The following CATSPERB variants were observed in gnomAD, a reference collection of about 807,000 sequenced individuals.
CATSPERB encodes the protein catsper channel auxiliary subunit beta.
A neutral mutation model predicts 128.3 loss-of-function variants in CATSPERB; 93 were observed. That is an observed-to-expected ratio of 0.72 (90% CI 0.61 to 0.86). The LOEUF (loss-of-function observed/expected upper bound fraction) is 0.86. Ranked by LOEUF, CATSPERB falls within the 40% of genes least tolerant of loss-of-function variation. The pLI is 0.00. For synonymous variants in CATSPERB, 381 were observed against 448.8 expected, an observed-to-expected ratio of 0.85 and a Z score of 1.91; for missense variants, 1,153 against 1,329.5, an observed-to-expected ratio of 0.87 and a Z score of 2.06.
intron 24 of CATSPERB, 42 bp downstream of exon 24, chr14:91,589,492 T>G: frequency 6.3e-7 from 1 of 1,582,402 alleles, no homozygotes; most frequent in Non-Finnish European, 8.6e-7. Flanking sequence ...GTAACAATAT[T>G]ACTTATCAGA....
chr14:91,605,311 C>T, intron 22 of CATSPERB: 1 of 816,380 alleles, frequency 1.2e-6, no homozygotes, highest in Non-Finnish European at 2.1e-6. Flanking sequence ...AAGCTGGAGC[C>T]ACACTCATGT....
intron 7 of CATSPERB, 76 bp from the exon 8 acceptor site, chr14:91,693,555 G>A (rs571233492): frequency 3.0e-6 from 3 of 1,007,694 alleles, no homozygotes; most frequent in South Asian, 2.7e-5. Context: ...AGAGCCCAGA[G>A]TCCGTTCCAA....
chr14:91,615,555 T>C lies in CATSPERB; in HGVS notation c.2400+2042A>G, dbSNP rs1214938564. ...ACCGAGGATGTGTGGTATTTATCTTTCTGTGTGCCTGGCTTATTTCACTTA... is the reference window on the plus strand; with the variant it reads ...ACCGAGGATGTGTGGTATTTATCTTCCTGTGTGCCTGGCTTATTTCACTTA... On this transcript the variant is annotated intron_variant, in intron 20 of 26. Transcript: ENST00000256343. Among the ~76,000 whole-genome samples the C allele has an allele frequency of 3.9e-5, 6 of 152,248 alleles. No homozygotes were observed. The East Asian group carries it at 9.6e-4, about 24-fold the overall frequency.
chr14:91,699,995 G>A (rs1005516365), intron 7 of CATSPERB, among the ~76,000 whole-genome samples: 1 of 150,896 alleles, frequency 6.6e-6, no homozygotes, highest in Non-Finnish European at 1.5e-5. Context: ...CAGGTTTTTT[G>A]CATAGGTGTA....
chr14:91,634,129 G>T (rs1894326107), intron 17 of CATSPERB, among the ~76,000 whole-genome samples: 1 of 152,078 alleles, frequency 6.6e-6, no homozygotes, highest in Non-Finnish European at 1.5e-5. Context: ...AACATAAACA[G>T]TTGATTAACA....
chr14:91,718,709 C>T (rs574425399), intron 5 of CATSPERB, among the ~76,000 whole-genome samples: 2 of 152,272 alleles, frequency 1.3e-5, no homozygotes, highest in South Asian at 4.1e-4. Context: ...TGAAAGTATT[C>T]CCTCAGTTCT....
At chr14:91,687,242 G>C (rs888081069) in intron 10 of CATSPERB, among the ~76,000 whole-genome samples, 12 of 152,104 alleles carry the variant, frequency 7.9e-5, no homozygotes, top group Non-Finnish European at 1.3e-4. Flanking sequence ...CTATGTGAAT[G>C]TATTACCTAT....
At chr14:91,594,383 C>T (rs997009205) in intron 22 of CATSPERB, among the ~76,000 whole-genome samples, 37 of 151,466 alleles carry the variant, frequency 2.4e-4, no homozygotes, top group South Asian at 4.2e-4. Flanking sequence ...TGCTAAATGA[C>T]GAGTTAATGG....
chr14:91,655,441 T>C (rs990350571), intron 15 of CATSPERB, among the ~76,000 whole-genome samples: 5 of 152,060 alleles, frequency 3.3e-5, no homozygotes, highest in African/African-American at 9.7e-5. Flanking sequence ...TTCAAGATAA[T>C]ATAGAGAAGG....
rs762980420 is a variant in CATSPERB, at chr14:91,589,676, T to C, written c.2821-7A>G. 17 of 1,609,630 alleles carry C rather than the reference T, an allele frequency of 1.1e-5. No individual in the cohort carries two copies. Among genetic ancestry groups the C allele is most frequent in the Non-Finnish European group, 1.4e-5 (17 of 1,177,828 alleles). ...GAAACTTAAAGCGAGGAACCTAAAA[T>C]ACAAATTCCAAGAATGAATGTAAAC... On this transcript the variant is annotated splice_region_variant and splice_polypyrimidine_tract_variant and intron_variant, in intron 23 of 26. Coordinates refer to ENST00000256343, the MANE Select transcript of CATSPERB (RefSeq NM_024764.4).
At chr14:91,603,034 G>A (rs1893633638) in intron 22 of CATSPERB, 2 of 779,180 alleles carry the variant, frequency 2.6e-6, no homozygotes, top group African/African-American at 1.7e-5. Context: ...TGAGTGATGT[G>A]CCTTTGCCTG....
chr14:91,587,230 G>T lies in CATSPERB; in HGVS notation c.3104C>A (p.Thr1035Asn). ...AAATTCTTCAATTAAGTTACAAAAA[G>T]TTACTCCTGAAATGACGGTCACTCT... ...HFRVTVISGV[T>N]FCNLIEEFQI... Residue 1035 changes from threonine to asparagine, a missense_variant, in exon 26 of 27, where the codon ACT becomes AAT. By Grantham distance (65) the Thr-to-Asn change is moderately conservative (BLOSUM62 0). Transcript: ENST00000256343. The T allele has an allele frequency of 6.2e-7, 1 of 1,605,586 alleles. No individual in the cohort carries two copies. Among genetic ancestry groups the T allele is most frequent in the Non-Finnish European group, 8.5e-7 (1 of 1,176,734 alleles).
intron 14 of CATSPERB, among the ~76,000 whole-genome samples, chr14:91,665,264 A>G (rs763888090): frequency 7.2e-5 from 11 of 152,220 alleles, no homozygotes; most frequent in Non-Finnish European, 1.3e-4. Flanking sequence ...AAGTTCAAGT[A>G]TAATAACTCC....
intron 22 of CATSPERB, among the ~76,000 whole-genome samples, chr14:91,597,079 G>C (rs193147612): frequency 6.6e-6 from 1 of 150,882 alleles, no homozygotes; most frequent in Non-Finnish European, 1.5e-5. Context: ...ATTTTTAGTA[G>C]AGACAGTGTT....
At chr14:91,669,750 C>T in intron 14 of CATSPERB, 64 bp downstream of exon 14, 2 of 1,465,230 alleles carry the variant, frequency 1.4e-6, no homozygotes, top group Non-Finnish European at 1.8e-6. Flanking sequence ...AATGTACAGC[C>T]ATGCAGCATA....
intron 18 of CATSPERB, among the ~76,000 whole-genome samples, chr14:91,624,351 G>A (rs1049724322): frequency 2.6e-5 from 4 of 152,328 alleles, no homozygotes; most frequent in African/African-American, 9.6e-5. Flanking sequence ...GGGCGTGGCA[G>A]CATGCGCCTG....
At chr14:91,683,790 A>T in intron 11 of CATSPERB, 87 bp downstream of exon 11, 15 of 851,318 alleles carry the variant, frequency 1.8e-5, no homozygotes, top group East Asian at 2.7e-5. Flanking sequence ...AATGGTCTTA[A>T]AAGACCATTC....
intron 10 of CATSPERB, among the ~76,000 whole-genome samples, chr14:91,691,172 C>G (rs11847727): frequency 0.015 from 2,217 of 152,208 alleles, 53 homozygotes; most frequent in African/African-American, 0.05. Context: ...CCAGACCCCA[C>G]CACCTTACTC....
At chr14:91,690,945 T>C (rs1159035714) in intron 10 of CATSPERB, among the ~76,000 whole-genome samples, 1 of 152,218 alleles carries the variant, frequency 6.6e-6, no homozygotes, top group Admixed American at 6.5e-5. Context: ...AACCGAAGCA[T>C]GCTTATATGC....
Sources: gnomAD v4.1 joint callset for allele counts (sites outside exome capture counted in the v4.1 genomes callset) on GRCh38, gnomAD v4.1.1 for gene constraint, MANE v1.5 for transcripts, NCBI Gene and HGNC (gene_info 2026-07-23, HGNC 2026-07-21) for gene names.